The following MERTK variants were observed in gnomAD, a reference collection of about 807,000 sequenced individuals.
MERTK encodes the protein MER proto-oncogene, tyrosine kinase.
Under a neutral mutation model 99.3 loss-of-function variants are expected in MERTK, and 69 were observed. The observed-to-expected ratio is 0.70, with a 90% CI of 0.57 to 0.85. The LOEUF (loss-of-function observed/expected upper bound fraction) is 0.85, where lower values mean the gene tolerates loss of function less well. Among genes scored for constraint, MERTK ranks in the 40% least tolerant of loss-of-function variants. The pLI is 0.00. For missense variants in MERTK, 1,125 were observed against 1,249.4 expected, an observed-to-expected ratio of 0.90 and a Z score of 1.50; for synonymous variants, 426 against 467.6, an observed-to-expected ratio of 0.91 and a Z score of 1.15.
chr2:111,983,519 C>T (rs1377341914), intron 8 of MERTK, among the ~76,000 whole-genome samples: 2 of 152,198 alleles, frequency 1.3e-5, no homozygotes, highest in East Asian at 1.9e-4. Context: ...GGCACAGCTG[C>T]GGGCAAGCCG....
intron 1 of MERTK, among the ~76,000 whole-genome samples, chr2:111,926,537 G>T (rs1463932857): frequency 6.8e-6 from 1 of 147,700 alleles, no homozygotes; most frequent in Non-Finnish European, 1.5e-5. Flanking sequence ...GACCATCCTG[G>T]CTAACATGGT....
intron 15 of MERTK, among the ~76,000 whole-genome samples, chr2:112,015,464 C>T (rs190532430): frequency 2.0e-5 from 3 of 152,256 alleles, no homozygotes; most frequent in East Asian, 3.9e-4. Context: ...GCTTATTTGC[C>T]ATCCTTACAT....
chr2:111,977,082 A>G (rs1489470128), intron 7 of MERTK, among the ~76,000 whole-genome samples: 1 of 152,148 alleles, frequency 6.6e-6, no homozygotes, highest in Non-Finnish European at 1.5e-5. Context: ...GGAAAAACAC[A>G]TGTTTATGCA....
intron 1 of MERTK, among the ~76,000 whole-genome samples, chr2:111,906,260 A>C (rs950994419): frequency 7.2e-5 from 11 of 152,320 alleles, no homozygotes; most frequent in Admixed American, 7.2e-4. Context: ...GAGGATCTAG[A>C]TACCTCAGCA....
At chr2:111,928,191 C>G (rs1684602422) in intron 1 of MERTK, among the ~76,000 whole-genome samples, 1 of 143,856 alleles carries the variant, frequency 7.0e-6, no homozygotes, top group Non-Finnish European at 1.5e-5. Flanking sequence ...AAATTGTAAA[C>G]TCATCTCTTT....
intron 2 of MERTK, among the ~76,000 whole-genome samples, chr2:111,935,343 G>A (rs1573582742): frequency 1.3e-5 from 2 of 152,282 alleles, no homozygotes; most frequent in South Asian, 2.1e-4. Context: ...TCAAACGTCA[G>A]GTGCGGCAGC....
At chr2:112,024,368 G>A (rs897798080) in intron 18 of MERTK, among the ~76,000 whole-genome samples, 11 of 152,204 alleles carry the variant, frequency 7.2e-5, no homozygotes, top group African/African-American at 2.4e-4. Flanking sequence ...ATGCTGAGTC[G>A]GTTTTCTGTG....
intron 4 of MERTK, among the ~76,000 whole-genome samples, chr2:111,951,127 C>T (rs1029134210): frequency 3.4e-5 from 4 of 119,192 alleles, no homozygotes; most frequent in Non-Finnish European, 3.4e-5. Context: ...CCATTTGTGG[C>T]GGAGTTCGGG....
At chr2:111,956,115 T>TAA (rs954995406) in intron 4 of MERTK, among the ~76,000 whole-genome samples, 2 of 147,544 alleles carry the variant, frequency 1.4e-5, no homozygotes, top group African/African-American at 5.0e-5. Flanking sequence ...CTTAAAGTAT[T>TAA]AAAAAAAAAA....
At chr2:111,980,683 G>A (rs1424376411) in intron 7 of MERTK, among the ~76,000 whole-genome samples, 2 of 152,114 alleles carry the variant, frequency 1.3e-5, no homozygotes, top group East Asian at 3.9e-4. Flanking sequence ...CTCCCAAAAT[G>A]CTGGGATTAC....
chr2:111,962,287 C>T (rs1452055736), intron 4 of MERTK, among the ~76,000 whole-genome samples: 1 of 152,118 alleles, frequency 6.6e-6, no homozygotes, highest in Non-Finnish European at 1.5e-5. Context: ...GCAGGTGGAT[C>T]ACCTGAGGTC....
chr2:111,915,111 A>G (rs12992449), intron 1 of MERTK, among the ~76,000 whole-genome samples: 70,511 of 152,022 alleles, frequency 0.46, 16,515 homozygotes, highest in East Asian at 0.74. Context: ...TGTGGGGTAC[A>G]TTGTGATAGT....
intron 2 of MERTK, among the ~76,000 whole-genome samples, chr2:111,930,943 T>G (rs1684659151): frequency 6.6e-6 from 1 of 152,206 alleles, no homozygotes. Context: ...GGCCTGTGGT[T>G]GTTAAAAGCA....
At chr2:111,941,424 A>G (rs1211645711) in intron 2 of MERTK, among the ~76,000 whole-genome samples, 2 of 152,152 alleles carry the variant, frequency 1.3e-5, no homozygotes, top group Non-Finnish European at 2.9e-5. Context: ...CGGTTAGGAA[A>G]CACCCATATC....
At position 111,920,936 on chromosome 2, in the gene MERTK, G is replaced by A. The variant is rs558154977; in HGVS notation, c.62-8184G>A. 6.6e-5 allele frequency among the ~76,000 whole-genome samples: 10 copies of A among 151,632 alleles called. No homozygotes were observed. The East Asian group carries it at 1.4e-3, about 21-fold the overall frequency. ...CTCCCAAAGTGCTGGGATTACAGGC[G>A]TGAGCCACTGCGACTGGCCACTACA... is the stretch of plus-strand genomic sequence containing the variant. On this transcript the variant is annotated intron_variant, in intron 1 of 18. Transcript: ENST00000295408.
At chr2:111,998,248 T>G (rs1454740247) in intron 10 of MERTK, among the ~76,000 whole-genome samples, 3 of 152,260 alleles carry the variant, frequency 2.0e-5, no homozygotes, top group African/African-American at 7.2e-5. Flanking sequence ...ATGTGAATTC[T>G]AAGAATGACT....
At chr2:111,952,974 T>G (rs1685083970) in intron 4 of MERTK, among the ~76,000 whole-genome samples, 1 of 152,162 alleles carries the variant, frequency 6.6e-6, no homozygotes, top group African/African-American at 2.4e-5. Context: ...TCTGCCTGTT[T>G]CCATGAGACC....
intron 16 of MERTK, among the ~76,000 whole-genome samples, chr2:112,020,006 C>T (rs541753979): frequency 1.3e-5 from 2 of 152,334 alleles, no homozygotes; most frequent in African/African-American, 4.8e-5. Flanking sequence ...TTAGGTTCTC[C>T]CTATTTCTTC....
intron 18 of MERTK, among the ~76,000 whole-genome samples, chr2:112,026,876 G>A (rs1211727632): frequency 6.6e-6 from 1 of 152,190 alleles, no homozygotes; most frequent in Admixed American, 6.5e-5. Context: ...TATGGAAATT[G>A]CATATTTCTG....
Sources: allele counts gnomAD v4.1 joint callset (sites outside exome capture counted in the v4.1 genomes callset), GRCh38; gene constraint gnomAD v4.1.1; transcripts MANE v1.5; gene names NCBI Gene and HGNC (gene_info 2026-07-23, HGNC 2026-07-21).